The following TIMM8B variants were observed in gnomAD, a reference collection of about 807,000 sequenced individuals.
TIMM8B encodes the protein translocase of inner mitochondrial membrane 8 homolog B, also known as mitochondrial import inner membrane translocase subunit Tim8 B.
A neutral mutation model predicts 8.5 loss-of-function variants in TIMM8B; 5 were observed. That is an observed-to-expected ratio of 0.59 (90% CI 0.31 to 1.24). The LOEUF is 1.24. Ranked by LOEUF, TIMM8B falls within the 50% of genes most tolerant of loss-of-function variation. The pLI, the probability that TIMM8B is intolerant of heterozygous loss-of-function variation, is 0.07. For missense variants in TIMM8B, 104 were observed against 109.2 expected, an observed-to-expected ratio of 0.95 and a Z score of 0.21; for synonymous variants, 44 against 39.9, an observed-to-expected ratio of 1.10 and a Z score of -0.39.
chr11:112,086,642 G>C lies in TIMM8B; in HGVS notation c.82C>G (p.Gln28Glu), dbSNP rs1865606007. The C allele has an allele frequency of 6.3e-7, 1 of 1,597,240 alleles. No homozygotes were observed. The highest frequency in any genetic ancestry group is 1.3e-5 in the African/African-American group (1 of 74,944). Residue 28 changes from glutamine (Q) to glutamate (E), a missense_variant and splice_region_variant, in exon 1 of 2, where the codon CAG (glutamine) becomes GAG (glutamate). Coordinates refer to ENST00000504148, the MANE Select transcript of TIMM8B (RefSeq NM_012459.4). ...CTTCACCCTCCCCGTCCCCGCACCT[G>C]TGCAGTAAACTGCGCCTTCTGCTGC... ...AEQQKAQFTA[Q>E]VHHFMELCWD...
rs148106990 is a variant in TIMM8B at position 112,085,317 on chromosome 11, A to G, written c.230T>C (p.Ile77Thr). 12 of 1,612,276 alleles carry G rather than the reference A, an allele frequency of 7.4e-6. No individual in the cohort carries two copies. The highest frequency in any genetic ancestry group is 1.0e-5 in the Non-Finnish European group (12 of 1,179,886). Reference sequence around the variant, plus strand: ...GGCCTACTGCCCTCCTTTCTGTACAATCTGGGCAAACCGACTGGTGATGGC... The same window carrying G: ...GGCCTACTGCCCTCCTTTCTGTACAGTCTGGGCAAACCGACTGGTGATGGC... ...TLAITSRFAQ[I>T]VQKGGQ is the part of the protein sequence containing the mutation. Residue 77 changes from isoleucine to threonine, a missense_variant, in exon 2 of 2, where the codon ATT becomes ACT. Physicochemically the swap from Ile to Thr is moderately conservative, Grantham distance 89. Coordinates refer to ENST00000504148, the MANE Select transcript of TIMM8B (RefSeq NM_012459.4).
Position 112,086,628 on chromosome 11 carries a change from C to T in TIMM8B, c.84+12G>A. On this transcript the variant is annotated intron_variant, in intron 1 of 1. Transcript: ENST00000504148. The stretch of plus-strand genomic sequence containing the variant: ...GAAACTTCCTTTCCCTTCACCCTCC[C>T]CGTCCCCGCACCTGTGCAGTAAACT... The T allele has an allele frequency of 1.3e-6, 2 of 1,584,038 alleles. No homozygotes were observed. The highest frequency in any genetic ancestry group is 1.7e-6 in the Non-Finnish European group (2 of 1,170,340).
Position 112,086,365 on chromosome 11 carries a change from C to G in TIMM8B, c.84+275G>C, listed in dbSNP as rs959668701. 9.6e-6 allele frequency: 6 copies of G among 625,716 alleles called. No homozygotes were observed. The African/African-American group carries it at 1.1e-4, about 11-fold the overall frequency. 38.8% of individuals were successfully genotyped at this position (625,716 alleles called of 1,614,324 possible). ...CAGATCTTTCGAATGCCAGCCCAGT[C>G]ATGTCGCCGGCTAACTAGTCTCCCG... On this transcript the variant is annotated intron_variant, in intron 1 of 1. Transcript: ENST00000504148.
At position 112,085,580 on chromosome 11, in the gene TIMM8B, C is replaced by T. The variant is rs76128136; in HGVS notation, c.85-118G>A. 8,875 of 787,012 alleles carry T rather than the reference C, an allele frequency of 0.011. 524 individuals carry two copies. The African/African-American group carries it at 0.13, about 12-fold the overall frequency. 48.8% of individuals were successfully genotyped at this position (787,012 alleles called of 1,614,324 possible). On this transcript the variant is annotated intron_variant, in intron 1 of 1. Transcript: ENST00000504148. ...ATTCTTTAAATCAACCACGGAGTCA[C>T]TTTGGGCTCTTCTCTTTCTTCATTT... is the stretch of plus-strand genomic sequence containing the variant.
At chr11:112,085,981 T>A (rs1566687442) in intron 1 of TIMM8B, 2 of 1,095,240 alleles carry the variant, frequency 1.8e-6, no homozygotes, top group South Asian at 4.7e-5. Flanking sequence ...AGCTTACTAT[T>A]TGTGAGGCTG....
At chr11:112,085,526 C>T in intron 1 of TIMM8B, 64 bp from the exon 2 acceptor site, 2 of 1,406,888 alleles carry the variant, frequency 1.4e-6, no homozygotes, top group Non-Finnish European at 1.9e-6. Context: ...TGTTTATTAA[C>T]TTCTCACTTT....
In TIMM8B at chr11:112,086,703, G is replaced by A. The variant is rs61734353; in HGVS notation, c.21C>T (p.Ala7=). The A allele has an allele frequency of 1.4e-3, 2,276 of 1,603,112 alleles. 43 individuals are homozygous for A. In the African/African-American group the frequency reaches 0.027, roughly 19 times the overall value. MAELGE[A]DEAELQRLVA... ...CCAGGCGCTGCAACTCCGCTTCATCGGCTTCGCCCAGCTCCGCCATTGTTC... is the reference window on the plus strand; with the variant it reads ...CCAGGCGCTGCAACTCCGCTTCATCAGCTTCGCCCAGCTCCGCCATTGTTC... Residue 7 remains alanine (A), a synonymous_variant, in exon 1 of 2, where the codon GCC becomes GCT. Coordinates refer to ENST00000504148, the MANE Select transcript of TIMM8B (RefSeq NM_012459.4).
At chr11:112,086,505 T>C (rs1865601792) in intron 1 of TIMM8B, 135 bp downstream of exon 1, 1 of 1,326,372 alleles carries the variant, frequency 7.5e-7, no homozygotes. Flanking sequence ...AGCCATAACT[T>C]TGTCTTTCGT....
chr11:112,085,583 T>G, intron 1 of TIMM8B, 121 bp from the exon 2 acceptor site: 1 of 772,372 alleles, frequency 1.3e-6, no homozygotes, highest in Non-Finnish European at 2.0e-6. Flanking sequence ...GGAGTCACTT[T>G]GGGCTCTTCT....
chr11:112,086,670 G>T lies in TIMM8B; in HGVS notation c.54C>A (p.Ala18=). ...DEAELQRLVA[A]EQQKAQFTAQ... is the part of the protein sequence containing the mutation. Reference sequence around the variant, plus strand: ...CAGTAAACTGCGCCTTCTGCTGCTCGGCGGCCACCAGGCGCTGCAACTCCG... The same window carrying T: ...CAGTAAACTGCGCCTTCTGCTGCTCTGCGGCCACCAGGCGCTGCAACTCCG... The change falls in exon 1 of 2, where the codon GCC becomes GCA. Residue 18 remains alanine (A), a synonymous_variant. Coordinates refer to ENST00000504148, the MANE Select transcript of TIMM8B (RefSeq NM_012459.4). 2 of 1,601,894 alleles carry T rather than the reference G, an allele frequency of 1.2e-6. No homozygotes were observed. The highest frequency in any genetic ancestry group is 1.3e-5 in the African/African-American group (1 of 74,980).
Position 112,086,719 on chromosome 11 carries a change from G to C in TIMM8B, c.5C>G (p.Ala2Gly), listed in dbSNP as rs368516346. 2 of 1,601,610 alleles carry C rather than the reference G, an allele frequency of 1.2e-6. No homozygotes were observed. Among genetic ancestry groups the C allele is most frequent in the African/African-American group, 2.7e-5 (2 of 74,818 alleles). ...CGCTTCATCGGCTTCGCCCAGCTCCGCCATTGTTCGCCTCAGGCTCGCCAC... is the reference window on the plus strand; with the variant it reads ...CGCTTCATCGGCTTCGCCCAGCTCCCCCATTGTTCGCCTCAGGCTCGCCAC... The part of the protein sequence containing the change: M[A>G]ELGEADEAEL... The change falls in exon 1 of 2, where the codon GCG (alanine) becomes GGG (glycine). Residue 2 changes from alanine (A) to glycine (G), a missense_variant. Ala to Gly is a moderately conservative substitution (Grantham distance 60). Coordinates refer to ENST00000504148, the MANE Select transcript of TIMM8B (RefSeq NM_012459.4).
chr11:112,086,332 T>C (rs1419739391), intron 1 of TIMM8B: 1 of 567,924 alleles, frequency 1.8e-6, no homozygotes, highest in Non-Finnish European at 3.3e-6. Flanking sequence ...AGAGGGAGGA[T>C]GAGAACCCAG....
At chr11:112,086,253 G>A (rs1255419055) in intron 1 of TIMM8B, 3 of 495,476 alleles carry the variant, frequency 6.1e-6, no homozygotes, top group South Asian at 4.6e-5. Flanking sequence ...TGAGGCAGTG[G>A]GGTGACGGCG....
intron 1 of TIMM8B, 126 bp downstream of exon 1, chr11:112,086,514 G>C (rs1865602097): frequency 7.2e-7 from 1 of 1,387,162 alleles, no homozygotes; most frequent in Non-Finnish European, 9.7e-7. Flanking sequence ...TTTGTCTTTC[G>C]TGAGGGGAAT....
intron 1 of TIMM8B, 30 bp downstream of exon 1, chr11:112,086,610 C>T: frequency 6.4e-7 from 1 of 1,551,770 alleles, no homozygotes; most frequent in Non-Finnish European, 8.7e-7. Context: ...GGTGAAACTT[C>T]CTTTCCCTTC....
intron 1 of TIMM8B, chr11:112,086,148 C>G (rs900766180): frequency 4.9e-6 from 4 of 820,772 alleles, no homozygotes; most frequent in Non-Finnish European, 7.0e-6. Context: ...TGTTCTACAT[C>G]CATAGTCTAC....
At chr11:112,086,449 C>T in intron 1 of TIMM8B, 191 bp downstream of exon 1, 1 of 896,138 alleles carries the variant, frequency 1.1e-6, no homozygotes. Context: ...CCACGCTACG[C>T]TTATATACCT....
chr11:112,084,804 T>TTTC lies in TIMM8B; in HGVS notation c.*490_*491insGAA. On this transcript the variant is annotated 3_prime_UTR_variant, in exon 2 of 2. Coordinates refer to ENST00000504148, the MANE Select transcript of TIMM8B (RefSeq NM_012459.4). ...GCAAGGAATACACATCTTGCCTTTTTTTTTTTTTTTTTGCCATGTTTTCCT... is the reference window on the plus strand; with the variant it reads ...GCAAGGAATACACATCTTGCCTTTTTTTCTTTTTTTTTTTTGCCATGTTTTCCT... The TTTC allele has an allele frequency of 1.3e-5, 2 of 152,002 alleles. No homozygotes were observed. Among genetic ancestry groups the TTTC allele is most frequent in the South Asian group, 2.1e-4 (1 of 4,808 alleles). The allele number at this position is 152,002 out of a possible 1,614,324, so 9.4% of individuals were successfully genotyped here.
rs1375765855 is a variant in TIMM8B at position 112,086,632 on chromosome 11, C to T, written c.84+8G>A. On this transcript the variant is annotated splice_region_variant and intron_variant, in intron 1 of 1. Transcript: ENST00000504148. Reference sequence around the variant, plus strand: ...CTTCCTTTCCCTTCACCCTCCCCGTCCCCGCACCTGTGCAGTAAACTGCGC... The same window carrying T: ...CTTCCTTTCCCTTCACCCTCCCCGTTCCCGCACCTGTGCAGTAAACTGCGC... 2.5e-6 allele frequency: 4 copies of T among 1,588,874 alleles called. No individual in the cohort carries two copies. The African/African-American group carries it at 5.4e-5, about 21-fold the overall frequency.
Sources: gnomAD v4.1 joint callset for allele counts on GRCh38, gnomAD v4.1.1 for gene constraint, MANE v1.5 for transcripts, NCBI Gene and HGNC (gene_info 2026-07-23, HGNC 2026-07-21) for gene names.